KANK4: variants seen among roughly 807,000 people sequenced by gnomAD.
The protein encoded by KANK4 is KN motif and ankyrin repeat domains 4.
KANK4 carries 50 observed loss-of-function variants against 80.8 expected under a neutral mutation model. The observed-to-expected ratio is 0.62, with a 90% CI of 0.49 to 0.78. The LOEUF is 0.78. KANK4 is among the 30% of genes least tolerant of loss of function. The probability of loss-of-function intolerance (pLI) is 0.00; values close to 1 mark genes in which losing one functional copy is unlikely to be tolerated. For synonymous variants in KANK4, 465 were observed against 506.9 expected (o/e 0.92, Z 1.11); for missense variants, 1,196 against 1,240.1 (o/e 0.96, Z 0.53).
intron 8 of KANK4, among the ~76,000 whole-genome samples, chr1:62,249,707 TA>T (rs1570965496): frequency 6.6e-6 from 1 of 151,886 alleles, no homozygotes; most frequent in East Asian, 2.0e-4. Flanking sequence ...TACGCCAGGC[TA>T]ATTTTTGTAT....
intron 1 of KANK4, among the ~76,000 whole-genome samples, chr1:62,308,427 C>T (rs1644471234): frequency 6.6e-6 from 1 of 152,072 alleles, no homozygotes; most frequent in African/African-American, 2.4e-5. Context: ...ATGCTGGTTA[C>T]CAGAAAACTC....
At chr1:62,291,436 A>G (rs376852389) in intron 1 of KANK4, among the ~76,000 whole-genome samples, 115 of 152,206 alleles carry the variant, frequency 7.6e-4, no homozygotes, top group African/African-American at 2.5e-3. Flanking sequence ...TTTTTGTATA[A>G]TTTAACTAAT....
chr1:62,258,528 C>T (rs773909333), intron 7 of KANK4, among the ~76,000 whole-genome samples: 3 of 152,168 alleles, frequency 2.0e-5, no homozygotes, highest in Admixed American at 6.5e-5. Flanking sequence ...TTGCCTTTCC[C>T]GTTCAGCTGA....
chr1:62,266,138 G>T (rs1015053570), intron 6 of KANK4, among the ~76,000 whole-genome samples: 2 of 152,188 alleles, frequency 1.3e-5, no homozygotes, highest in Admixed American at 6.5e-5. Context: ...GACACTCATG[G>T]TGCATTGCCT....
At chr1:62,291,692 C>T (rs1054903308) in intron 1 of KANK4, among the ~76,000 whole-genome samples, 1 of 152,182 alleles carries the variant, frequency 6.6e-6, no homozygotes, top group Admixed American at 6.5e-5. Context: ...AATGCAACCT[C>T]CACCTCCCGG....
intron 1 of KANK4, among the ~76,000 whole-genome samples, chr1:62,311,407 C>CA (rs916669640): frequency 4.6e-4 from 69 of 149,626 alleles, no homozygotes; most frequent in East Asian, 1.6e-3. Flanking sequence ...TAAAAGGTAG[C>CA]AAAAAAAAAC....
rs1262209869 is a variant in KANK4 at position 62,237,531 on chromosome 1, C to T, written c.*746G>A. ...TGGTGTGTGTCATTGGATTGAATTT[C>T]TTTTTTTTCTTTATTACATAGCAAC... On this transcript the variant is annotated 3_prime_UTR_variant, in exon 10 of 10. Transcript: ENST00000371153. 3 of 151,936 alleles carry T rather than the reference C, an allele frequency of 2.0e-5. No individual in the cohort carries two copies. Among genetic ancestry groups the T allele is most frequent in the African/African-American group, 7.3e-5 (3 of 41,362 alleles). The allele number at this position is 151,936 out of a possible 1,614,324, so 9.4% of individuals were successfully genotyped here.
intron 8 of KANK4, 104 bp from the exon 9 acceptor site, chr1:62,247,776 CT>C: frequency 1.1e-6 from 1 of 910,378 alleles, no homozygotes; most frequent in East Asian, 2.6e-5. Flanking sequence ...ACCACAACCA[CT>C]GATTTGAATC....
chr1:62,302,494 G>A (rs991383256), intron 1 of KANK4, among the ~76,000 whole-genome samples: 1 of 152,032 alleles, frequency 6.6e-6, no homozygotes, highest in African/African-American at 2.4e-5. Flanking sequence ...CTTACAGACT[G>A]AATGAGCCCC....
At chr1:62,291,721 C>T (rs770755991) in intron 1 of KANK4, among the ~76,000 whole-genome samples, 1 of 152,168 alleles carries the variant, frequency 6.6e-6, no homozygotes, top group African/African-American at 2.4e-5. Flanking sequence ...GATTCTCCTG[C>T]CTTAGCCTCC....
Position 62,309,983 on chromosome 1 carries a change from G to C in KANK4, c.-71+9123C>G, listed in dbSNP as rs17123440. The stretch of plus-strand genomic sequence containing the variant: ...GACACAGGGCTCCATTCAGCAGTCG[G>C]CAAAGCCAAGGGACATGGGGATAGA... On this transcript the variant is annotated intron_variant, in intron 1 of 9. Coordinates refer to ENST00000371153, the MANE Select transcript of KANK4 (RefSeq NM_181712.5). Among the ~76,000 whole-genome samples the C allele has an allele frequency of 7.1e-3, 1,078 of 152,318 alleles. 14 individuals are homozygous for C. Among genetic ancestry groups the C allele is most frequent in the African/African-American group, 0.024 (1,010 of 41,576 alleles).
intron 3 of KANK4, chr1:62,272,462 A>C (rs768285549): frequency 7.9e-5 from 12 of 152,412 alleles, no homozygotes; most frequent in Non-Finnish European, 1.3e-4. Context: ...GGAATGCAAA[A>C]GCCCAGGAAG....
At chr1:62,251,946 C>T (rs1570968875) in intron 8 of KANK4, among the ~76,000 whole-genome samples, 2 of 140,970 alleles carry the variant, frequency 1.4e-5, no homozygotes, top group Non-Finnish European at 3.0e-5. Context: ...GAGCCGAGAT[C>T]AAGCCATTGC....
At chr1:62,281,452 C>A in intron 2 of KANK4, 97 bp downstream of exon 2, 2 of 1,433,896 alleles carry the variant, frequency 1.4e-6, no homozygotes, top group Non-Finnish European at 2.0e-6. Context: ...ATATCTCCTG[C>A]AGGCCTTTCC....
Position 62,238,133 on chromosome 1 carries a change from C to T in KANK4, c.*144G>A. ...AAGCATCCTAATGAGCAGAATTATACAACAGGAATGTATGTGCATATTTGA... is the reference window on the plus strand; with the variant it reads ...AAGCATCCTAATGAGCAGAATTATATAACAGGAATGTATGTGCATATTTGA... On this transcript the variant is annotated 3_prime_UTR_variant, in exon 10 of 10. Transcript: ENST00000371153. The T allele has an allele frequency of 1.7e-6, 1 of 597,388 alleles. No homozygotes were observed. Among genetic ancestry groups the T allele is most frequent in the Non-Finnish European group, 3.0e-6 (1 of 333,220 alleles). The allele number at this position is 597,388 out of a possible 1,614,324, so 37.0% of individuals were successfully genotyped here. A position where few individuals can be genotyped will look rare whatever the true frequency, so the allele number is the denominator to read the frequency against.
At chr1:62,284,221 A>G (rs142016532) in intron 1 of KANK4, among the ~76,000 whole-genome samples, 2 of 152,300 alleles carry the variant, frequency 1.3e-5, no homozygotes, top group Non-Finnish European at 2.9e-5. Flanking sequence ...CAGTGTGGTT[A>G]GGTTAGGTAA....
intron 1 of KANK4, among the ~76,000 whole-genome samples, chr1:62,312,392 CT>C (rs1222763208): frequency 6.6e-6 from 1 of 152,266 alleles, no homozygotes; most frequent in East Asian, 1.9e-4. Context: ...AATAAAGATG[CT>C]TTTTTTCCCC....
chr1:62,297,991 T>C (rs1644381126), intron 1 of KANK4, among the ~76,000 whole-genome samples: 2 of 141,978 alleles, frequency 1.4e-5, no homozygotes, highest in South Asian at 2.3e-4. Flanking sequence ...TTCTCTGTTG[T>C]TCTCTAGGCA....
intron 2 of KANK4, among the ~76,000 whole-genome samples, chr1:62,278,291 T>C (rs1356894400): frequency 6.6e-6 from 1 of 151,266 alleles, no homozygotes; most frequent in Non-Finnish European, 1.5e-5. Context: ...AAGTTGCAAA[T>C]GGTGGCATTT....
Sources: gnomAD v4.1 joint callset for allele counts (sites outside exome capture counted in the v4.1 genomes callset) on GRCh38, gnomAD v4.1.1 for gene constraint, MANE v1.5 for transcripts, NCBI Gene and HGNC (gene_info 2026-07-23, HGNC 2026-07-21) for gene names.